GBE1: variants seen among roughly 807,000 people sequenced by gnomAD.
GBE1 encodes 1,4-alpha-glucan-branching enzyme.
A neutral mutation model predicts 88.8 loss-of-function variants in GBE1; 70 were observed. The ratio of observed to expected loss-of-function variants is 0.79; its 90% CI spans 0.65 to 0.96. The LOEUF (loss-of-function observed/expected upper bound fraction) is 0.96. GBE1 is among the 40% of genes least tolerant of loss of function. The probability of loss-of-function intolerance (pLI) is 0.00; values close to 1 mark genes in which losing one functional copy is unlikely to be tolerated. For synonymous variants in GBE1, 284 were observed against 300.1 expected (o/e 0.95, Z 0.56); for missense variants, 872 against 871.0 (o/e 1.00, Z -0.01).
intron 12 of GBE1, among the ~76,000 whole-genome samples, chr3:81,554,984 C>T (rs959674014): frequency 6.6e-6 from 1 of 152,164 alleles, no homozygotes; most frequent in Admixed American, 6.5e-5. Context: ...TGTCTGCTTC[C>T]CTGCTATCAG....
chr3:81,617,356 G>T (rs369102561), intron 7 of GBE1, among the ~76,000 whole-genome samples: 18 of 152,024 alleles, frequency 1.2e-4, no homozygotes, highest in African/African-American at 4.1e-4. Context: ...TAAGTATATT[G>T]TCACATTTCA....
intron 14 of GBE1, among the ~76,000 whole-genome samples, chr3:81,531,866 G>A (rs1703015254): frequency 6.6e-6 from 1 of 151,966 alleles, no homozygotes; most frequent in African/African-American, 2.4e-5. Context: ...GTGCAGTGTT[G>A]GGTCTAGCTG....
At chr3:81,530,607 G>A (rs1017395985) in intron 14 of GBE1, among the ~76,000 whole-genome samples, 2 of 151,902 alleles carry the variant, frequency 1.3e-5, no homozygotes, top group African/African-American at 2.4e-5. Context: ...TAAGATCTGA[G>A]ATAATTCACT....
chr3:81,761,354 G>A, intron 1 of GBE1, 21 bp downstream of exon 1: 1 of 1,599,710 alleles, frequency 6.3e-7, no homozygotes, highest in Non-Finnish European at 8.5e-7. Flanking sequence ...CTAAGTGGGG[G>A]TGGTGGGATT....
intron 1 of GBE1, among the ~76,000 whole-genome samples, chr3:81,719,305 C>T (rs2107187243): frequency 6.6e-6 from 1 of 152,282 alleles, no homozygotes; most frequent in Non-Finnish European, 1.5e-5. Context: ...CAACCTCCTC[C>T]TCCCTAGCTC....
chr3:81,679,704 T>C (rs1705310828), intron 2 of GBE1, among the ~76,000 whole-genome samples: 2 of 152,208 alleles, frequency 1.3e-5, no homozygotes, highest in South Asian at 4.1e-4. Context: ...TCCAATGCTA[T>C]TGTTGCTTGT....
intron 1 of GBE1, among the ~76,000 whole-genome samples, chr3:81,726,592 T>A (rs1313006112): frequency 6.6e-6 from 1 of 151,786 alleles, no homozygotes; most frequent in Non-Finnish European, 1.5e-5. Context: ...AGACTTTTTT[T>A]TTTTTTTTGA....
At chr3:81,760,742 A>G (rs1706666494) in intron 1 of GBE1, among the ~76,000 whole-genome samples, 3 of 152,228 alleles carry the variant, frequency 2.0e-5, no homozygotes, top group African/African-American at 7.2e-5. Flanking sequence ...TCCCTCTTCA[A>G]GATGGTTAAA....
At chr3:81,671,918 G>A (rs926092201) in intron 2 of GBE1, among the ~76,000 whole-genome samples, 5 of 151,920 alleles carry the variant, frequency 3.3e-5, no homozygotes, top group Non-Finnish European at 7.4e-5. Flanking sequence ...TACCAAAAGA[G>A]AGAGAGCATC....
Position 81,642,869 on chromosome 3 carries a change from T to A in GBE1, c.904A>T (p.Met302Leu). 6.2e-7 allele frequency: 1 copy of A among 1,612,248 alleles called. No homozygotes were observed. ...TAACAGGAATCTGTCCCATCAAACA[T>A]ATTCAATCCATCTGCTGAATTTTTT... is the stretch of plus-strand genomic sequence containing the variant. ...ASKNSADGLNMFDGTDSCYFH... is the reference protein window; with the variant it reads ...ASKNSADGLNLFDGTDSCYFH... The change falls in exon 7 of 16, where the codon ATG becomes TTG. Residue 302 changes from methionine to leucine, a missense_variant. Coordinates refer to ENST00000429644, the MANE Select transcript of GBE1 (RefSeq NM_000158.4).
chr3:81,702,096 A>T, intron 2 of GBE1, among the ~76,000 whole-genome samples: 1 of 34,930 alleles, frequency 2.9e-5, no homozygotes, highest in Admixed American at 3.7e-4. Flanking sequence ...AGAGAGAGAG[A>T]GAGAGAGTGT....
intron 10 of GBE1, among the ~76,000 whole-genome samples, chr3:81,584,013 TA>T (rs1012946800): frequency 7.8e-4 from 118 of 152,138 alleles, no homozygotes; most frequent in South Asian, 2.1e-4. Context: ...CTATATTTAT[TA>T]AAAATACTAG....
intron 7 of GBE1, among the ~76,000 whole-genome samples, chr3:81,625,396 T>TA (rs1301507106): frequency 6.6e-6 from 1 of 152,072 alleles, no homozygotes; most frequent in African/African-American, 2.4e-5. Flanking sequence ...ACTATTCCCT[T>TA]ACATCTTTCC....
intron 2 of GBE1, among the ~76,000 whole-genome samples, chr3:81,691,477 T>A (rs533853035): frequency 7.2e-5 from 11 of 152,262 alleles, no homozygotes; most frequent in Admixed American, 7.2e-4. Context: ...AAAGTTTGAA[T>A]TCTAAAGTTG....
intron 7 of GBE1, among the ~76,000 whole-genome samples, chr3:81,631,239 A>T (rs993738915): frequency 3.9e-5 from 6 of 152,126 alleles, no homozygotes; most frequent in African/African-American, 1.4e-4. Context: ...CCTGATATAA[A>T]ATGCAAAATA....
intron 1 of GBE1, among the ~76,000 whole-genome samples, chr3:81,731,089 A>C (rs1279983677): frequency 6.6e-6 from 1 of 152,152 alleles, no homozygotes; most frequent in Non-Finnish European, 1.5e-5. Context: ...TGTACCATAC[A>C]TCTTTAATTT....
intron 3 of GBE1, among the ~76,000 whole-genome samples, chr3:81,659,502 A>ATTTTTT (rs35138103): frequency 2.4e-5 from 3 of 127,052 alleles, no homozygotes; most frequent in Non-Finnish European, 3.3e-5. Context: ...CGCCCGGCTA[A>ATTTTTT]TTTTTTTTTT....
At chr3:81,655,978 C>G (rs1704933996) in intron 3 of GBE1, among the ~76,000 whole-genome samples, 1 of 152,076 alleles carries the variant, frequency 6.6e-6, no homozygotes, top group South Asian at 2.1e-4. Flanking sequence ...ACTACTTATC[C>G]TTGTTTTTGT....
At chr3:81,551,555 C>T (rs1186152914) in intron 12 of GBE1, among the ~76,000 whole-genome samples, 1 of 152,120 alleles carries the variant, frequency 6.6e-6, no homozygotes, top group African/African-American at 2.4e-5. Flanking sequence ...CTCAATGCAA[C>T]CATTTTCCTC....
Sources: gnomAD v4.1 joint callset for allele counts (sites outside exome capture counted in the v4.1 genomes callset) on GRCh38, gnomAD v4.1.1 for gene constraint, MANE v1.5 for transcripts, NCBI Gene and HGNC (gene_info 2026-07-23, HGNC 2026-07-21) for gene names.